Variants in NCKAP5 observed in about 807,000 individuals in gnomAD.
NCKAP5 encodes nck-associated protein 5.
In NCKAP5, 92 loss-of-function variants were observed where a neutral mutation model predicts 167.0. The observed-to-expected ratio is 0.55, with a 90% CI of 0.47 to 0.66. The LOEUF is 0.66. Among genes scored for constraint, NCKAP5 ranks in the 30% least tolerant of loss-of-function variants. The probability of loss-of-function intolerance (pLI) is 0.00; values close to 1 mark genes in which losing one functional copy is unlikely to be tolerated. For synonymous variants in NCKAP5, 891 were observed against 877.4 expected, an observed-to-expected ratio of 1.02 and a Z score of -0.27; for missense variants, 2,378 against 2,315.0, an observed-to-expected ratio of 1.03 and a Z score of -0.56.
the NCKAP5 span, among the ~76,000 whole-genome samples, chr2:133,621,750 T>C: frequency 4.6e-5 from 7 of 152,070 alleles, no homozygotes; most frequent in Non-Finnish European, 8.8e-5. Context: ...TTCCAAAAGA[T>C]AGAGAAAGAG....
At chr2:133,324,011 C>G (rs1448127133) in intron 3 of NCKAP5, among the ~76,000 whole-genome samples, 1 of 152,202 alleles carries the variant, frequency 6.6e-6, no homozygotes, top group South Asian at 2.1e-4. Flanking sequence ...AGACTCTGAG[C>G]TCCAGACAGA....
chr2:133,499,881 C>T (rs75220952), intron 3 of NCKAP5, among the ~76,000 whole-genome samples: 2 of 152,094 alleles, frequency 1.3e-5, no homozygotes, highest in South Asian at 4.1e-4. Context: ...TTTGCAAATT[C>T]TTTGATTTTT....
chr2:133,041,103 T>G (rs2079205701), intron 6 of NCKAP5, among the ~76,000 whole-genome samples: 1 of 152,192 alleles, frequency 6.6e-6, no homozygotes, highest in Admixed American at 6.6e-5. Context: ...TCGGAAGTTT[T>G]GCACATTTAA....
At chr2:132,778,869 C>T (rs1294248634) in intron 15 of NCKAP5, among the ~76,000 whole-genome samples, 4 of 152,094 alleles carry the variant, frequency 2.6e-5, no homozygotes, top group African/African-American at 9.7e-5. Context: ...TATTCTTGTA[C>T]CAGTCACAAA....
chr2:132,990,219 G>A (rs559786135), intron 7 of NCKAP5, among the ~76,000 whole-genome samples: 1 of 152,244 alleles, frequency 6.6e-6, no homozygotes, highest in Non-Finnish European at 1.5e-5. Flanking sequence ...GAGAACAGTG[G>A]GTTTCATGAC....
intron 8 of NCKAP5, among the ~76,000 whole-genome samples, chr2:132,945,673 C>A (rs1256905603): frequency 6.6e-6 from 1 of 152,136 alleles, no homozygotes; most frequent in Non-Finnish European, 1.5e-5. Context: ...TTGCTATTCA[C>A]TCTAAGAAGA....
chr2:132,715,715 C>G (rs756177173), intron 19 of NCKAP5, among the ~76,000 whole-genome samples: 25 of 152,114 alleles, frequency 1.6e-4, no homozygotes, highest in Non-Finnish European at 3.4e-4. Flanking sequence ...ACAAAGACAC[C>G]GTGGAGGGAT....
intron 3 of NCKAP5, among the ~76,000 whole-genome samples, chr2:133,470,941 G>T (rs1223999113): frequency 6.6e-6 from 1 of 152,196 alleles, no homozygotes; most frequent in African/African-American, 2.4e-5. Context: ...AACCCAGTAC[G>T]TCAGATGGAA....
intron 3 of NCKAP5, among the ~76,000 whole-genome samples, chr2:133,470,692 G>C (rs1217755391): frequency 6.6e-6 from 1 of 152,250 alleles, no homozygotes; most frequent in African/African-American, 2.4e-5. Context: ...CTCCAAGCCA[G>C]GTGCAGGATA....
At chr2:133,104,076 G>A (rs2081604765) in intron 6 of NCKAP5, among the ~76,000 whole-genome samples, 1 of 151,870 alleles carries the variant, frequency 6.6e-6, no homozygotes, top group South Asian at 2.1e-4. Context: ...CCTCCCAAGT[G>A]GGGAGAAGGT....
intron 11 of NCKAP5, among the ~76,000 whole-genome samples, chr2:132,850,961 G>A (rs933364103): frequency 2.0e-5 from 3 of 151,986 alleles, no homozygotes; most frequent in Admixed American, 6.6e-5. Flanking sequence ...GGCAATGTCC[G>A]TCATTCCAGT....
chr2:133,277,009 A>T (rs1028880176), intron 4 of NCKAP5, among the ~76,000 whole-genome samples: 1 of 152,186 alleles, frequency 6.6e-6, no homozygotes, highest in African/African-American at 2.4e-5. Flanking sequence ...TGATGAAAAT[A>T]GGAATTGATG....
At chr2:133,584,497 G>T in the NCKAP5 span, among the ~76,000 whole-genome samples, 1 of 152,200 alleles carries the variant, frequency 6.6e-6, no homozygotes, top group African/African-American at 2.4e-5. Context: ...AGGTGCAGTG[G>T]CTCATGCCTG....
At chr2:133,181,897 T>C (rs1458224170) in intron 5 of NCKAP5, among the ~76,000 whole-genome samples, 1 of 152,010 alleles carries the variant, frequency 6.6e-6, no homozygotes, top group Admixed American at 6.6e-5. Context: ...TATAATGATA[T>C]AGATAGGGTT....
At chr2:133,381,525 T>C (rs1278142857) in intron 3 of NCKAP5, 2 of 152,346 alleles carry the variant, frequency 1.3e-5, no homozygotes, top group African/African-American at 4.8e-5. Flanking sequence ...CTCAAACTGT[T>C]TGTTTAGTGT....
intron 19 of NCKAP5, among the ~76,000 whole-genome samples, chr2:132,709,377 AGAGGGGCACG>A (rs1688648042): frequency 6.6e-6 from 1 of 152,092 alleles, no homozygotes; most frequent in South Asian, 2.1e-4. Context: ...GGGTGGTGGT[AGAGGGGCACG>A]ATACAATAGG....
intron 7 of NCKAP5, among the ~76,000 whole-genome samples, chr2:132,979,741 C>G (rs2149263403): frequency 6.6e-6 from 1 of 152,288 alleles, no homozygotes; most frequent in South Asian, 2.1e-4. Flanking sequence ...ACCCACAGAC[C>G]AAAGGATACT....
At chr2:133,645,023 G>T in the NCKAP5 span, among the ~76,000 whole-genome samples, 5 of 152,142 alleles carry the variant, frequency 3.3e-5, no homozygotes, top group Admixed American at 6.6e-5. Flanking sequence ...GCTGCAAAGG[G>T]AACTCCAATT....
At chr2:133,444,303 G>A (rs1018214718) in intron 3 of NCKAP5, among the ~76,000 whole-genome samples, 1 of 151,712 alleles carries the variant, frequency 6.6e-6, no homozygotes, top group African/African-American at 2.4e-5. Context: ...GCTAACATAG[G>A]GGGCCCAGAA....
Sources: gnomAD v4.1 joint callset for allele counts (sites outside exome capture counted in the v4.1 genomes callset) on GRCh38, gnomAD v4.1.1 for gene constraint, MANE v1.5 for transcripts, NCBI Gene and HGNC (gene_info 2026-07-23, HGNC 2026-07-21) for gene names.